The following RPS12 variants were observed in gnomAD, a reference collection of about 807,000 sequenced individuals.
RPS12 encodes ribosomal protein S12.
RPS12 carries 1 observed loss-of-function variant against 17.2 expected under a neutral mutation model. The ratio of observed to expected loss-of-function variants is 0.06; its 90% CI spans 0.02 to 0.28. The LOEUF (loss-of-function observed/expected upper bound fraction) is 0.28. RPS12 is among the 10% of genes least tolerant of loss of function. The pLI, the probability that RPS12 is intolerant of heterozygous loss-of-function variation, is 1.00. For synonymous variants in RPS12, 67 were observed against 54.0 expected (o/e 1.24, Z -1.06); for missense variants, 146 against 162.1 (o/e 0.90, Z 0.54).
At chr6:132,815,632 C>G in intron 3 of RPS12, 1 of 456,644 alleles carries the variant, frequency 2.2e-6, no homozygotes, top group Non-Finnish European at 4.4e-6. Flanking sequence ...GACAAATCAA[C>G]CTACTCTTGA....
intron 4 of RPS12, 175 bp downstream of exon 4, chr6:132,816,738 TGAATC>T: frequency 1.3e-6 from 1 of 768,818 alleles, no homozygotes; most frequent in South Asian, 1.4e-5. Context: ...CCTGCAGAAT[TGAATC>T]CTAATTTTGA....
At position 132,816,449 on chromosome 6, in the gene RPS12, T is replaced by C; in HGVS notation, c.132-12T>C. Reference sequence around the variant, plus strand: ...AGTTTTAGCTCCATTTTCATTGTAATTTGAATTTCAGGCGCCAAGCCCATC... The same window carrying C: ...AGTTTTAGCTCCATTTTCATTGTAACTTGAATTTCAGGCGCCAAGCCCATC... On this transcript the variant is annotated splice_polypyrimidine_tract_variant and intron_variant, in intron 3 of 5. Coordinates refer to ENST00000230050, the MANE Select transcript of RPS12 (RefSeq NM_001016.4). The C allele has an allele frequency of 6.9e-6, 11 of 1,597,380 alleles. No homozygotes were observed. Among genetic ancestry groups the C allele is most frequent in the Non-Finnish European group, 9.4e-6 (11 of 1,167,234 alleles).
chr6:132,817,263 A>G (rs1345459324), intron 5 of RPS12: 1 of 773,110 alleles, frequency 1.3e-6, no homozygotes, highest in Non-Finnish European at 2.3e-6. Context: ...TTGTGCAGAC[A>G]TACTTTAAAA....
rs768701239 is a variant in RPS12 at position 132,817,302 on chromosome 6, C to T, written c.337-178C>T. 7 of 774,838 alleles carry T rather than the reference C, an allele frequency of 9.0e-6. No homozygotes were observed. The East Asian group carries it at 1.2e-4, about 13-fold the overall frequency. The allele number at this position is 774,838 out of a possible 1,614,324, so 48.0% of individuals were successfully genotyped here. The stretch of plus-strand genomic sequence containing the variant: ...GGCAATAGTAAAGCCATGTTACGAG[C>T]CTTAAGGACATTGAAGTCGTTAAGG... On this transcript the variant is annotated intron_variant, in intron 5 of 5. Transcript: ENST00000230050.
intron 3 of RPS12, chr6:132,815,685 G>GT (rs1400845584): frequency 2.2e-6 from 1 of 456,476 alleles, no homozygotes; most frequent in African/African-American, 2.0e-5. Flanking sequence ...GGACAAGTTC[G>GT]TTTTGGTGTA....
chr6:132,816,124 G>A lies in RPS12; in HGVS notation c.132-337G>A, dbSNP rs1178232260. The A allele has an allele frequency of 5.7e-5, 22 of 384,078 alleles. No individual in the cohort carries two copies. The Admixed American group carries it at 5.8e-4, about 10-fold the overall frequency. 23.8% of individuals were successfully genotyped at this position (384,078 alleles called of 1,614,324 possible). A position where few individuals can be genotyped will look rare whatever the true frequency, so the allele number is the denominator to read the frequency against. On this transcript the variant is annotated intron_variant, in intron 3 of 5. Coordinates refer to ENST00000230050, the MANE Select transcript of RPS12 (RefSeq NM_001016.4). ...GCTGGGATTACAGGAGTGAGCCATC[G>A]TGCCCGGCCTTTCACATGTTTCTTT...
intron 4 of RPS12, 93 bp from the exon 5 acceptor site, chr6:132,816,866 TC>T (rs754982690): frequency 1.1e-6 from 1 of 885,744 alleles, no homozygotes; most frequent in Admixed American, 1.7e-5. Flanking sequence ...ATGTCACCCT[TC>T]TGATTACAGC....
chr6:132,815,377 A>G (rs776904658), intron 3 of RPS12: 3 of 597,690 alleles, frequency 5.0e-6, no homozygotes, highest in South Asian at 4.2e-5. Context: ...GAGTCTGACA[A>G]ACCTGTAGGT....
intron 1 of RPS12, 56 bp from the exon 2 acceptor site, chr6:132,814,676 C>G (rs976375775): frequency 7.0e-7 from 1 of 1,420,038 alleles, no homozygotes; most frequent in African/African-American, 1.4e-5. Context: ...TGCGTTCTTG[C>G]TGGGATTCGT....
Position 132,815,060 on chromosome 6 carries a change from A to C in RPS12, c.103A>C (p.Ile35Leu). Residue 35 changes from isoleucine to leucine, a missense_variant, in exon 3 of 6, where the codon ATT (isoleucine) becomes CTT (leucine). This residue lies in a region of RPS12 where 117 missense variants were observed against 104.6 expected (regional missense o/e 1.12). Transcript: ENST00000230050. ...ALIHDGLARGIREAAKALDKR... is the reference protein window; with the variant it reads ...ALIHDGLARGLREAAKALDKR... ...CATCCACGATGGCCTAGCACGTGGA[A>C]TTCGCGAAGCTGCCAAAGCCTTAGA... 6.2e-7 allele frequency: 1 copy of C among 1,612,804 alleles called. No individual in the cohort carries two copies. The highest frequency in any genetic ancestry group is 8.5e-7 in the Non-Finnish European group (1 of 1,178,824).
chr6:132,817,353 T>C lies in RPS12; in HGVS notation c.337-127T>C, dbSNP rs561013854. ...TCCCTGAGAATGGCTATAACAAATC[T>C]TAGTGATGGGAAACATTTTTATAAG... On this transcript the variant is annotated intron_variant, in intron 5 of 5. Coordinates refer to ENST00000230050, the MANE Select transcript of RPS12 (RefSeq NM_001016.4). 4 of 813,572 alleles carry C rather than the reference T, an allele frequency of 4.9e-6. No individual in the cohort carries two copies. The African/African-American group carries it at 6.7e-5, about 14-fold the overall frequency. The allele number at this position is 813,572 out of a possible 1,614,324, so 50.4% of individuals were successfully genotyped here.
intron 1 of RPS12, 58 bp downstream of exon 1, chr6:132,814,671 T>A: frequency 1.4e-6 from 2 of 1,395,810 alleles, no homozygotes; most frequent in Non-Finnish European, 2.0e-6. Flanking sequence ...CTCGTTGCGT[T>A]CTTGCTGGGA....
In RPS12 at chr6:132,817,229, A is replaced by G. The variant is rs761646896; in HGVS notation, c.336+168A>G. On this transcript the variant is annotated intron_variant, in intron 5 of 5. Coordinates refer to ENST00000230050, the MANE Select transcript of RPS12 (RefSeq NM_001016.4). ...AAAGCTGTAATTTACAAGCCAGCCA[A>G]TGAATCTGCTTACCTGATTGTGTTT... 1.2e-5 allele frequency: 9 copies of G among 769,146 alleles called. 1 individual carries two copies. Among genetic ancestry groups the G allele is most frequent in the South Asian group, 4.2e-5 (3 of 71,162 alleles). 47.6% of individuals were successfully genotyped at this position (769,146 alleles called of 1,614,324 possible).
At position 132,814,590 on chromosome 6, in the gene RPS12, G is replaced by A. The variant is rs1480536625; in HGVS notation, c.-61G>A. 2 of 797,552 alleles carry A rather than the reference G, an allele frequency of 2.5e-6. No individual in the cohort carries two copies. The highest frequency in any genetic ancestry group is 1.7e-5 in the African/African-American group (1 of 58,666). 49.4% of individuals were successfully genotyped at this position (797,552 alleles called of 1,614,324 possible). A position where few individuals can be genotyped will look rare whatever the true frequency, so the allele number is the denominator to read the frequency against. On this transcript the variant is annotated 5_prime_UTR_variant, in exon 1 of 6. Transcript: ENST00000230050. ...AGGCCTCTTTCCCTGCCGCCGCCGA[G>A]TCGCGCGGAGGCGGAGGCTTGGGGT...
In RPS12 at chr6:132,817,034, G is replaced by T. The variant is rs1476045901; in HGVS notation, c.309G>T (p.Val103=). Residue 103 remains valine, a synonymous_variant, in exon 5 of 6, where the codon GTG becomes GTT. Transcript: ENST00000230050. ...KIDREGKPRK[V]VGCSCVVVKD... ...ACAGAGAGGGGAAACCCCGTAAAGTGGTTGGTTGCAGTTGTGTAGTAGTTA... is the reference window on the plus strand; with the variant it reads ...ACAGAGAGGGGAAACCCCGTAAAGTTGTTGGTTGCAGTTGTGTAGTAGTTA... The T allele has an allele frequency of 1.2e-6, 2 of 1,611,150 alleles. No individual in the cohort carries two copies. The highest frequency in any genetic ancestry group is 1.7e-6 in the Non-Finnish European group (2 of 1,178,660).
intron 3 of RPS12, chr6:132,815,819 T>C: frequency 2.3e-6 from 1 of 440,106 alleles, no homozygotes; most frequent in South Asian, 1.7e-5. Flanking sequence ...GTTCCATTAA[T>C]GCCACAGTCT....
At chr6:132,817,281 A>T in intron 5 of RPS12, 199 bp from the exon 6 acceptor site, 1 of 772,632 alleles carries the variant, frequency 1.3e-6, no homozygotes, top group Non-Finnish European at 2.4e-6. Context: ...AAAACTGGCA[A>T]TAGTAAAGCC....
chr6:132,816,619 G>C (rs368529622), intron 4 of RPS12, 56 bp downstream of exon 4: 3 of 1,173,972 alleles, frequency 2.6e-6, no homozygotes, highest in Non-Finnish European at 3.8e-6. Flanking sequence ...TGTATATGGG[G>C]GTAAATTCTG....
rs923585407 is a variant in RPS12, at chr6:132,814,575, C to A, written c.-76C>A. The A allele has an allele frequency of 6.7e-6, 5 of 744,864 alleles. No homozygotes were observed. The South Asian group carries it at 7.5e-5, about 11-fold the overall frequency. The allele number at this position is 744,864 out of a possible 1,614,324, so 46.1% of individuals were successfully genotyped here. On this transcript the variant is annotated 5_prime_UTR_variant, in exon 1 of 6. Transcript: ENST00000230050. ...GCATGCGTGCGGATGAGGCCTCTTT[C>A]CCTGCCGCCGCCGAGTCGCGCGGAG... is the stretch of plus-strand genomic sequence containing the variant.
Sources: gnomAD v4.1 joint callset for allele counts on GRCh38, gnomAD v4.1.1 for gene constraint, gnomAD v4.1.1 regional missense constraint, MANE v1.5 for transcripts, NCBI Gene and HGNC (gene_info 2026-07-23, HGNC 2026-07-21) for gene names.